The following PRKG1 variants were observed in gnomAD, a reference collection of about 807,000 sequenced individuals.
PRKG1 encodes protein kinase cGMP-dependent 1.
In PRKG1, 35 loss-of-function variants were observed where a neutral mutation model predicts 88.1. That is an observed-to-expected ratio of 0.40 (90% CI 0.30 to 0.53). PRKG1 has a LOEUF of 0.53. PRKG1 is among the 20% of genes least tolerant of loss of function. The pLI is 0.59. For synonymous variants in PRKG1, 303 were observed against 292.5 expected, an observed-to-expected ratio of 1.04 and a Z score of -0.37; for missense variants, 540 against 839.8, an observed-to-expected ratio of 0.64 and a Z score of 4.41.
rs76977136 is a variant in PRKG1 at position 52,272,509 on chromosome 10, A to G, written c.1403+28A>G. 35,274 of 1,497,760 alleles carry G rather than the reference A, an allele frequency of 0.024. 3,192 individuals are homozygous for G. The East Asian group carries it at 0.29, about 12-fold the overall frequency. The allele number at this position is 1,497,760 out of a possible 1,614,324, so 92.8% of individuals were successfully genotyped here. ...AGGAGATTTAAGAAATTTCTATGAT[A>G]TCTCTAAAAACAGTTGCCCATGTTG... is the stretch of plus-strand genomic sequence containing the variant. On this transcript the variant is annotated intron_variant, in intron 12 of 17. Coordinates refer to ENST00000373980, the MANE Select transcript of PRKG1 (RefSeq NM_006258.4).
In PRKG1 at chr10:51,582,554, G is replaced by A. The variant is rs1589105122; in HGVS notation, c.592+114718G>A. ...CCAGTTATAAGTGAGAACATGCAGTGTTTGGTTTTCTGTTCCTGTGTTAGT... is the reference window on the plus strand; with the variant it reads ...CCAGTTATAAGTGAGAACATGCAGTATTTGGTTTTCTGTTCCTGTGTTAGT... On this transcript the variant is annotated intron_variant, in intron 3 of 17. Transcript: ENST00000373980. 2.0e-5 allele frequency among the ~76,000 whole-genome samples: 3 copies of A among 152,026 alleles called. No individual in the cohort carries two copies. In the East Asian group the frequency reaches 5.8e-4, roughly 29 times the overall value.
At chr10:51,087,124 A>C (rs1292506912) in intron 1 of PRKG1, among the ~76,000 whole-genome samples, 1 of 152,186 alleles carries the variant, frequency 6.6e-6, no homozygotes, top group Non-Finnish European at 1.5e-5. Flanking sequence ...TATCATCATG[A>C]AAGGAAGAAT....
intron 4 of PRKG1, among the ~76,000 whole-genome samples, chr10:51,826,081 C>A (rs1307274870): frequency 6.6e-6 from 1 of 152,108 alleles, no homozygotes; most frequent in Non-Finnish European, 1.5e-5. Context: ...ATCATGAATT[C>A]TCTATCTTAT....
intron 5 of PRKG1, among the ~76,000 whole-genome samples, chr10:51,960,122 C>CT (rs3029953): frequency 0.098 from 14,198 of 144,608 alleles, 741 homozygotes; most frequent in Admixed American, 0.13. Flanking sequence ...CTTTGGTTTC[C>CT]TTTTTTTTTT....
intron 2 of PRKG1, among the ~76,000 whole-genome samples, chr10:51,303,029 G>GC (rs1011071146): frequency 6.6e-6 from 1 of 152,094 alleles, no homozygotes; most frequent in Non-Finnish European, 1.5e-5. Flanking sequence ...AATAAAGTAA[G>GC]CCCCAGGGAA....
rs546352214 is a variant in PRKG1, at chr10:51,391,063, G to C, written c.479-76660G>C. Reference sequence around the variant, plus strand: ...AGAGGCAGAAATTGTAGCACTGAGAGGGGGAGAGGCTGTCCAAGATTGTAG... The same window carrying C: ...AGAGGCAGAAATTGTAGCACTGAGACGGGGAGAGGCTGTCCAAGATTGTAG... On this transcript the variant is annotated intron_variant, in intron 2 of 17. Transcript: ENST00000373980. 2.6e-5 allele frequency among the ~76,000 whole-genome samples: 4 copies of C among 152,336 alleles called. No individual in the cohort carries two copies. In the South Asian group the frequency reaches 6.2e-4, roughly 24 times the overall value.
chr10:51,032,481 A>G (rs1843296493), intron 1 of PRKG1, among the ~76,000 whole-genome samples: 1 of 152,210 alleles, frequency 6.6e-6, no homozygotes, highest in South Asian at 2.1e-4. Context: ...TTTTGGTGCC[A>G]GCCATGGTGG....
intron 3 of PRKG1, among the ~76,000 whole-genome samples, chr10:51,685,857 T>C (rs1840975056): frequency 1.3e-5 from 2 of 151,954 alleles, no homozygotes; most frequent in African/African-American, 4.8e-5. Flanking sequence ...AAAGTAACTA[T>C]TCCTCCCTCA....
intron 4 of PRKG1, among the ~76,000 whole-genome samples, chr10:51,903,513 A>G (rs1842023521): frequency 6.6e-6 from 1 of 152,170 alleles, no homozygotes; most frequent in South Asian, 2.1e-4. Flanking sequence ...CCGTTAATCT[A>G]TGCACACACA....
chr10:51,660,020 G>A (rs1157656721), intron 3 of PRKG1, among the ~76,000 whole-genome samples: 3 of 151,408 alleles, frequency 2.0e-5, no homozygotes, highest in Non-Finnish European at 4.4e-5. Flanking sequence ...TAAAGTTTGA[G>A]ATACGCTTTT....
chr10:51,339,530 AT>A (rs1841955928), intron 2 of PRKG1, among the ~76,000 whole-genome samples: 1 of 151,894 alleles, frequency 6.6e-6, no homozygotes, highest in Non-Finnish European at 1.5e-5. Flanking sequence ...ACTGTAGAAA[AT>A]TTAGAAAACA....
intron 4 of PRKG1, among the ~76,000 whole-genome samples, chr10:51,859,937 G>A (rs968433050): frequency 2.6e-5 from 4 of 152,082 alleles, no homozygotes; most frequent in African/African-American, 9.7e-5. Flanking sequence ...ATTAGCCACT[G>A]GCATATAGCA....
At chr10:51,214,406 T>TCTGTA (rs1250832342) in intron 2 of PRKG1, among the ~76,000 whole-genome samples, 3 of 152,230 alleles carry the variant, frequency 2.0e-5, no homozygotes, top group African/African-American at 7.2e-5. Context: ...GTATGAATTA[T>TCTGTA]CTGTACTTTG....
At chr10:52,003,522 C>T (rs527905903) in intron 5 of PRKG1, among the ~76,000 whole-genome samples, 1 of 152,248 alleles carries the variant, frequency 6.6e-6, no homozygotes, top group South Asian at 2.1e-4. Flanking sequence ...CTTTTTTGTC[C>T]TTTTCTTGCC....
chr10:51,740,603 T>G (rs1837408876), intron 3 of PRKG1, among the ~76,000 whole-genome samples: 1 of 152,184 alleles, frequency 6.6e-6, no homozygotes, highest in South Asian at 2.1e-4. Context: ...TCTGTAAAAC[T>G]CTACCCTATA....
intron 2 of PRKG1, among the ~76,000 whole-genome samples, chr10:51,385,898 G>T (rs534642933): frequency 4.6e-5 from 7 of 152,012 alleles, no homozygotes; most frequent in Middle Eastern, 3.2e-3. Flanking sequence ...CTACTAATAG[G>T]TGTCTATCAA....
At chr10:51,884,444 C>CAAAAAAAAAAAAA (rs57229967) in intron 4 of PRKG1, among the ~76,000 whole-genome samples, 1 of 70,028 alleles carries the variant, frequency 1.4e-5, no homozygotes, top group Non-Finnish European at 2.7e-5. Flanking sequence ...AACTCCGTCT[C>CAAAAAAAAAAAAA]AAAAAAAAAA....
intron 2 of PRKG1, among the ~76,000 whole-genome samples, chr10:51,393,430 A>G (rs1837493805): frequency 1.3e-5 from 2 of 151,900 alleles, no homozygotes; most frequent in South Asian, 4.2e-4. Flanking sequence ...GCGGCCAGGC[A>G]GAGACGCTCC....
rs537138278 is a variant in PRKG1, at chr10:52,033,437, G to A, written c.763-21047G>A. 3.9e-5 allele frequency among the ~76,000 whole-genome samples: 6 copies of A among 152,280 alleles called. No individual in the cohort carries two copies. In the South Asian group the frequency reaches 6.2e-4, roughly 16 times the overall value. ...ACTTGCACACACATGTTGCTCCTGC[G>A]TGTTTTCTCTTAACCCTCTCTTTCT... On this transcript the variant is annotated intron_variant, in intron 5 of 17. Coordinates refer to ENST00000373980, the MANE Select transcript of PRKG1 (RefSeq NM_006258.4).
Sources: gnomAD v4.1 joint callset for allele counts (sites outside exome capture counted in the v4.1 genomes callset) on GRCh38, gnomAD v4.1.1 for gene constraint, MANE v1.5 for transcripts, NCBI Gene and HGNC (gene_info 2026-07-23, HGNC 2026-07-21) for gene names.